KARS1: variants seen among roughly 807,000 people sequenced by gnomAD.
KARS1 encodes lysine--tRNA ligase.
KARS1 carries 50 observed loss-of-function variants against 63.9 expected under a neutral mutation model. The ratio of observed to expected loss-of-function variants is 0.78; its 90% CI spans 0.62 to 0.99. The LOEUF is 0.99. Ranked by LOEUF, KARS1 falls within the 50% of genes least tolerant of loss-of-function variation. The probability of loss-of-function intolerance (pLI) is 0.00; values close to 1 mark genes in which losing one functional copy is unlikely to be tolerated. For missense variants in KARS1, 816 were observed against 754.5 expected (o/e 1.08, Z -0.95); for synonymous variants, 320 against 264.6 (o/e 1.21, Z -2.03).
chr16:75,635,749 C>G lies in KARS1; in HGVS notation c.726G>C (p.Gln242His). The change falls in exon 6 of 14, where the codon CAG becomes CAC. Residue 242 changes from glutamine to histidine, a missense_variant. By Grantham distance (24) the Gln-to-His change is conservative. Coordinates refer to ENST00000302445, the MANE Select transcript of KARS1 (RefSeq NM_005548.3). ...LDLILNDFVRQKFIIRSKIIT... is the reference protein window; with the variant it reads ...LDLILNDFVRHKFIIRSKIIT... Reference sequence around the variant, plus strand: ...TGATCTTAGAGCGGATGATAAATTTCTGCCTCACAAAGTCATTCAGGATCA... The same window carrying G: ...TGATCTTAGAGCGGATGATAAATTTGTGCCTCACAAAGTCATTCAGGATCA... The G allele has an allele frequency of 6.2e-7, 1 of 1,614,192 alleles. No individual in the cohort carries two copies. Among genetic ancestry groups the G allele is most frequent in the Non-Finnish European group, 8.5e-7 (1 of 1,180,000 alleles).
At chr16:75,646,513 C>A (rs989396529) in intron 1 of KARS1, among the ~76,000 whole-genome samples, 1 of 151,320 alleles carries the variant, frequency 6.6e-6, no homozygotes, top group African/African-American at 2.4e-5. Context: ...TGCACTCCAG[C>A]CTGGCGACAG....
intron 3 of KARS1, among the ~76,000 whole-genome samples, chr16:75,639,571 C>CA (rs35021757): frequency 0.47 from 37,263 of 79,580 alleles, 9,792 homozygotes; most frequent in Non-Finnish European, 0.62. Flanking sequence ...GACTATATCT[C>CA]AAAAAAAAAA....
In KARS1 at chr16:75,628,980, C is replaced by G. The variant is rs2082081121; in HGVS notation, c.1552-268G>C. On this transcript the variant is annotated intron_variant, in intron 12 of 13. Transcript: ENST00000302445. ...TTCTGCTGCTTGGGGCTCTGGGACTCCAAACAGGTTAATTCTCAGAGACTG... is the reference window on the plus strand; with the variant it reads ...TTCTGCTGCTTGGGGCTCTGGGACTGCAAACAGGTTAATTCTCAGAGACTG... 5 of 526,676 alleles carry G rather than the reference C, an allele frequency of 9.5e-6. No homozygotes were observed. In the Admixed American group the frequency reaches 1.6e-4, roughly 17 times the overall value. 32.6% of individuals were successfully genotyped at this position (526,676 alleles called of 1,614,324 possible).
At position 75,628,678 on chromosome 16, in the gene KARS1, A is replaced by G. The variant is rs1313605769; in HGVS notation, c.1586T>C (p.Ile529Thr). 4 of 1,614,098 alleles carry G rather than the reference A, an allele frequency of 2.5e-6. No homozygotes were observed. Residue 529 changes from isoleucine (I) to threonine (T), a missense_variant, in exon 13 of 14, where the codon ATA becomes ACA. Ile to Thr is a moderately conservative substitution (Grantham distance 89, BLOSUM62 -1). Transcript: ENST00000302445. Reference protein sequence around the residue: ...KAAGDDEAMFIDENFCTALEY... With the variant: ...KAAGDDEAMFTDENFCTALEY... ...CAGGGCAGTACAGAAGTTTTCATCT[A>G]TGAACATGGCCTCATCATCACCTGC...
intron 1 of KARS1, among the ~76,000 whole-genome samples, chr16:75,645,224 C>A (rs564157160): frequency 6.6e-6 from 1 of 152,134 alleles, no homozygotes. Context: ...TATTTTAGCT[C>A]ATGGTAACGA....
In KARS1 at chr16:75,628,689, C is replaced by G; in HGVS notation, c.1575G>C (p.Glu525Asp). Residue 525 changes from glutamate to aspartate, a missense_variant, in exon 13 of 14, where the codon GAG becomes GAC. By Grantham distance (45) the Glu-to-Asp change is conservative. Coordinates refer to ENST00000302445, the MANE Select transcript of KARS1 (RefSeq NM_005548.3). ...AGAAGTTTTCATCTATGAACATGGC[C>G]TCATCATCACCTGCAGCCTTGGCCT... ...QAKAKAAGDD[E>D]AMFIDENFCT... 2 of 1,614,214 alleles carry G rather than the reference C, an allele frequency of 1.2e-6. No homozygotes were observed. The highest frequency in any genetic ancestry group is 1.7e-6 in the Non-Finnish European group (2 of 1,180,034).
At chr16:75,638,634 C>A (rs1191615336) in intron 3 of KARS1, among the ~76,000 whole-genome samples, 2 of 152,052 alleles carry the variant, frequency 1.3e-5, no homozygotes, top group African/African-American at 2.4e-5. Flanking sequence ...AGTAAAAAAT[C>A]TTTCAGAAAA....
chr16:75,634,399 T>A, intron 6 of KARS1, 107 bp from the exon 7 acceptor site: 1 of 1,137,060 alleles, frequency 8.8e-7, no homozygotes, highest in Non-Finnish European at 1.3e-6. Context: ...CCAAACTAAA[T>A]GTTAATAAGT....
Position 75,634,298 on chromosome 16 carries a change from A to G in KARS1, c.796-6T>C. ...TTCATCATGGGAGTTTCAATCTAAAAAAGGCAGGGAGAAACATCAGTCCTT... is the reference window on the plus strand; with the variant it reads ...TTCATCATGGGAGTTTCAATCTAAAGAAGGCAGGGAGAAACATCAGTCCTT... On this transcript the variant is annotated splice_polypyrimidine_tract_variant and splice_region_variant and intron_variant, in intron 6 of 13. Transcript: ENST00000302445. The G allele has an allele frequency of 6.2e-7, 1 of 1,613,886 alleles. No homozygotes were observed. Among genetic ancestry groups the G allele is most frequent in the South Asian group, 1.1e-5 (1 of 91,076 alleles).
intron 3 of KARS1, 144 bp from the exon 4 acceptor site, chr16:75,636,691 T>A: frequency 3.5e-6 from 2 of 576,784 alleles, no homozygotes; most frequent in Non-Finnish European, 6.2e-6. Flanking sequence ...TGGAGTGCAG[T>A]GGCACGATCT....
chr16:75,645,784 T>C (rs758622885), intron 1 of KARS1, among the ~76,000 whole-genome samples: 22 of 149,124 alleles, frequency 1.5e-4, no homozygotes, highest in Non-Finnish European at 2.4e-4. Flanking sequence ...GAGTTGCAAG[T>C]TGCCGTGGGC....
rs1229229865 is a variant in KARS1 at position 75,631,835 on chromosome 16, G to A, written c.936C>T (p.Ile312=). The change falls in exon 8 of 14, where the codon ATC becomes ATT. Residue 312 remains isoleucine (I), a synonymous_variant. Transcript: ENST00000302445. ...GGCGTCCAATTTCATAAACCCGGTC[G>A]ATGCCACCAACCACAAGCATCTAAC... ...LYHKMLVVGG[I]DRVYEIGRQF... 16 of 1,613,762 alleles carry A rather than the reference G, an allele frequency of 9.9e-6. No individual in the cohort carries two copies. Among genetic ancestry groups the A allele is most frequent in the East Asian group, 2.2e-5 (1 of 44,884 alleles).
intron 1 of KARS1, among the ~76,000 whole-genome samples, chr16:75,645,116 G>A (rs1033482053): frequency 1.3e-5 from 2 of 152,080 alleles, no homozygotes; most frequent in Non-Finnish European, 2.9e-5. Context: ...TTTTAAACTT[G>A]GAGTCAATAC....
chr16:75,636,375 C>G lies in KARS1; in HGVS notation c.482+79G>C. On this transcript the variant is annotated intron_variant, in intron 4 of 13. Coordinates refer to ENST00000302445, the MANE Select transcript of KARS1 (RefSeq NM_005548.3). ...CTCCTTCTTACTCTAACTTCAAATA[C>G]CAGTAAGACCACATCAGCCTATTGC... 4.2e-6 allele frequency: 4 copies of G among 960,528 alleles called. No individual in the cohort carries two copies. The South Asian group carries it at 5.1e-5, about 12-fold the overall frequency. 59.5% of individuals were successfully genotyped at this position (960,528 alleles called of 1,614,324 possible). A position where few individuals can be genotyped will look rare whatever the true frequency, so the allele number is the denominator to read the frequency against.
Position 75,631,803 on chromosome 16 carries a change from C to G in KARS1, c.968G>C (p.Arg323Pro). The stretch of plus-strand genomic sequence containing the variant: ...GTGCGTCAAATCAATCCCCTCATTC[C>G]GGAACTGGCGTCCAATTTCATAAAC... ...DRVYEIGRQF[R>P]NEGIDLTHNP... The change falls in exon 8 of 14, where the codon CGG becomes CCG. Residue 323 changes from arginine to proline, a missense_variant. Physicochemically the swap from Arg to Pro is moderately radical, Grantham distance 103. Transcript: ENST00000302445. The G allele has an allele frequency of 6.2e-7, 1 of 1,614,160 alleles. No individual in the cohort carries two copies. The highest frequency in any genetic ancestry group is 8.5e-7 in the Non-Finnish European group (1 of 1,180,038).
Position 75,630,416 on chromosome 16 carries a change from ATCTTACCAT to A in KARS1, c.1422_1424+6del. On this transcript the variant is annotated splice_donor_variant and splice_donor_5th_base_variant and coding_sequence_variant and intron_variant, in exon 11 of 14. Transcript: ENST00000302445. LOFTEE classifies it high-confidence loss of function. ...TGTTATGCAGCAATAGGTAACTGGA[ATCTTACCAT>A]TTAGCCAAAGGGCTCATTATCTGTG... The A allele has an allele frequency of 3.2e-6, 5 of 1,549,088 alleles. No individual in the cohort carries two copies. The highest frequency in any genetic ancestry group is 4.5e-6 in the Non-Finnish European group (5 of 1,123,294).
chr16:75,628,243 T>C (rs368278025), intron 13 of KARS1, among the ~76,000 whole-genome samples: 13 of 152,356 alleles, frequency 8.5e-5, no homozygotes, highest in African/African-American at 3.1e-4. Flanking sequence ...CTATGAAAAT[T>C]TGATTTCCTC....
rs2082075013 is a variant in KARS1 at position 75,628,436 on chromosome 16, TG to T, written c.1695+132del. ...GGCTCTGGCCCTCCTGTGAGTGGCATGGAACTCCTCTGCCTGCTCCTCTTCC... is the reference window on the plus strand; with the variant it reads ...GGCTCTGGCCCTCCTGTGAGTGGCATGAACTCCTCTGCCTGCTCCTCTTCC... On this transcript the variant is annotated intron_variant, in intron 13 of 13. Coordinates refer to ENST00000302445, the MANE Select transcript of KARS1 (RefSeq NM_005548.3). 4 of 1,041,036 alleles carry T rather than the reference TG, an allele frequency of 3.8e-6. No homozygotes were observed. The East Asian group carries it at 1.0e-4, about 26-fold the overall frequency. 64.5% of individuals were successfully genotyped at this position (1,041,036 alleles called of 1,614,324 possible).
intron 4 of KARS1, 78 bp from the exon 5 acceptor site, chr16:75,636,176 T>A: frequency 1.1e-6 from 1 of 915,592 alleles, no homozygotes; most frequent in South Asian, 1.4e-5. Context: ...GAACCCTCAC[T>A]CAACTGTTAA....
Sources: allele counts gnomAD v4.1 joint callset (sites outside exome capture counted in the v4.1 genomes callset), GRCh38; gene constraint gnomAD v4.1.1; transcripts MANE v1.5; gene names NCBI Gene and HGNC (gene_info 2026-07-23, HGNC 2026-07-21).